Variants in COL24A1 observed in about 807,000 individuals in gnomAD.
The protein encoded by COL24A1 is collagen alpha-1(XXIV) chain.
Under a neutral mutation model 253.9 loss-of-function variants are expected in COL24A1, and 224 were observed. The ratio of observed to expected loss-of-function variants is 0.88; its 90% confidence interval spans 0.79 to 0.99. The LOEUF is 0.99. COL24A1 is among the 50% of genes least tolerant of loss of function. The pLI, the probability that COL24A1 is intolerant of heterozygous loss-of-function variation, is 0.00. For synonymous variants in COL24A1, 685 were observed against 673.7 expected (o/e 1.02, Z -0.26); for missense variants, 2,131 against 2,068.5 (o/e 1.03, Z -0.59).
intron 7 of COL24A1, among the ~76,000 whole-genome samples, chr1:86,077,852 G>A (rs1165297265): frequency 6.6e-6 from 1 of 152,090 alleles, no homozygotes; most frequent in African/African-American, 2.4e-5. Context: ...TGGGGGGCTG[G>A]GGAGGGCTAG....
chr1:85,778,031 A>ATCTATCTATCTG lies in COL24A1; in HGVS notation c.4339-2323_4339-2322insCAGATAGATAGA, dbSNP rs1203838352. On this transcript the variant is annotated intron_variant, in intron 52 of 59. Coordinates refer to ENST00000370571, the MANE Select transcript of COL24A1 (RefSeq NM_152890.7). ...TGTGTATATGTCTCTATCTCTATCT[A>ATCTATCTATCTG]TCTATCTATCTATCTATCTATCTAT... Among the ~76,000 whole-genome samples the ATCTATCTATCTG allele has an allele frequency of 3.4e-4, 50 of 145,234 alleles. No homozygotes were observed. In the East Asian group the frequency reaches 6.8e-3, roughly 20 times the overall value.
chr1:86,078,183 G>A (rs1238731008), intron 7 of COL24A1, among the ~76,000 whole-genome samples: 1 of 152,074 alleles, frequency 6.6e-6, no homozygotes, highest in African/African-American at 2.4e-5. Flanking sequence ...CATATCAACA[G>A]AATGAAGGTC....
chr1:86,115,756 CAGA>C (rs780236913), intron 3 of COL24A1, among the ~76,000 whole-genome samples: 21 of 152,148 alleles, frequency 1.4e-4, no homozygotes, highest in Non-Finnish European at 2.5e-4. Context: ...AAACACAATT[CAGA>C]AGAAGATTTG....
chr1:85,747,865 A>T (rs1347065113), intron 55 of COL24A1, among the ~76,000 whole-genome samples: 1 of 152,174 alleles, frequency 6.6e-6, no homozygotes, highest in Non-Finnish European at 1.5e-5. Flanking sequence ...ACTAAAATCC[A>T]TTGGTCTGTT....
chr1:86,034,775 A>G (rs1698869779), intron 12 of COL24A1, among the ~76,000 whole-genome samples: 1 of 152,152 alleles, frequency 6.6e-6, no homozygotes, highest in Non-Finnish European at 1.5e-5. Flanking sequence ...ATTGTAAAAT[A>G]ACTCAACGCT....
chr1:85,936,554 T>C (rs1477638244), intron 24 of COL24A1, among the ~76,000 whole-genome samples: 1 of 146,524 alleles, frequency 6.8e-6, no homozygotes, highest in Non-Finnish European at 1.5e-5. Context: ...TAACATAAAA[T>C]TAGATACGGA....
chr1:86,043,729 T>C lies in COL24A1; in HGVS notation c.1950+3096A>G, dbSNP rs148708785. ...TTTTAGTAGAGACAGGGTTTCACCA[T>C]GTTGGCCAAGATGGTCTCGATCTCT... is the stretch of plus-strand genomic sequence containing the variant. On this transcript the variant is annotated intron_variant, in intron 12 of 59. Coordinates refer to ENST00000370571, the MANE Select transcript of COL24A1 (RefSeq NM_152890.7). 2.5e-3 allele frequency among the ~76,000 whole-genome samples: 374 copies of C among 152,258 alleles called. 10 individuals are homozygous for C. The East Asian group carries it at 0.046, about 19-fold the overall frequency.
chr1:86,147,101 A>C (rs1299255597), intron 1 of COL24A1, among the ~76,000 whole-genome samples: 1 of 152,180 alleles, frequency 6.6e-6, no homozygotes, highest in South Asian at 2.1e-4. Context: ...CAGTTCCGCA[A>C]GGAGTGATTA....
chr1:85,992,524 A>G (rs1306050838), intron 19 of COL24A1, among the ~76,000 whole-genome samples: 1 of 152,120 alleles, frequency 6.6e-6, no homozygotes, highest in Admixed American at 6.6e-5. Flanking sequence ...CTTTTTTTTA[A>G]ACACACTCAA....
intron 47 of COL24A1, among the ~76,000 whole-genome samples, chr1:85,795,349 G>A (rs1670696389): frequency 6.6e-6 from 1 of 152,120 alleles, no homozygotes. Context: ...CAAAGAAAGT[G>A]TCACTCTGTT....
At chr1:85,803,381 G>A (rs1221847490) in intron 47 of COL24A1, among the ~76,000 whole-genome samples, 5 of 143,854 alleles carry the variant, frequency 3.5e-5, no homozygotes, top group Non-Finnish European at 6.0e-5. Context: ...AGTGAGCTGA[G>A]ATCATGACAC....
chr1:85,792,019 T>G (rs1670329205), intron 47 of COL24A1, among the ~76,000 whole-genome samples: 2 of 152,122 alleles, frequency 1.3e-5, no homozygotes, highest in South Asian at 2.1e-4. Flanking sequence ...CATTACAAAA[T>G]TTTTACTTAA....
chr1:86,115,279 G>T, intron 4 of COL24A1, 46 bp downstream of exon 4: 1 of 1,587,152 alleles, frequency 6.3e-7, no homozygotes, highest in Non-Finnish European at 8.6e-7. Context: ...ATGTTAGAAA[G>T]TTACAAATTC....
intron 1 of COL24A1, among the ~76,000 whole-genome samples, chr1:86,148,463 A>G (rs890511303): frequency 3.9e-5 from 6 of 152,070 alleles, no homozygotes; most frequent in Non-Finnish European, 8.8e-5. Context: ...CTCGTCATCT[A>G]GCATGAGGTA....
chr1:86,098,900 A>C (rs1018652759), intron 5 of COL24A1, among the ~76,000 whole-genome samples: 2 of 151,952 alleles, frequency 1.3e-5, no homozygotes, highest in East Asian at 1.9e-4. Flanking sequence ...CTAGACATAC[A>C]AAAAAAATGG....
chr1:85,962,680 G>A (rs985554864), intron 23 of COL24A1, among the ~76,000 whole-genome samples: 2 of 152,124 alleles, frequency 1.3e-5, no homozygotes, highest in Non-Finnish European at 2.9e-5. Context: ...ATAGATTAAC[G>A]AAAGGTAAAA....
chr1:85,737,809 C>G (rs1664213460), intron 57 of COL24A1, among the ~76,000 whole-genome samples: 1 of 151,338 alleles, frequency 6.6e-6, no homozygotes, highest in Non-Finnish European at 1.5e-5. Context: ...AGTGATCTGC[C>G]CACCTCCACC....
intron 51 of COL24A1, among the ~76,000 whole-genome samples, chr1:85,782,819 T>G (rs1384841298): frequency 6.6e-6 from 1 of 152,184 alleles, no homozygotes; most frequent in Non-Finnish European, 1.5e-5. Context: ...ACTTGAAGTT[T>G]TAAATTTTTT....
Position 85,816,819 on chromosome 1 carries a change from T to C in COL24A1, c.3920A>G (p.Lys1307Arg). ...GADGISGNPG[K>R]IGPPGKQGLP... ...TCCCTGTTTTCCTGGTGGCCCAATT[T>C]TTCCAGGGTTTCCTGAAATGCCATC... The change falls in exon 47 of 60, where the codon AAA becomes AGA. Residue 1307 changes from lysine (K) to arginine (R), a missense_variant. Coordinates refer to ENST00000370571, the MANE Select transcript of COL24A1 (RefSeq NM_152890.7). 1 of 1,613,986 alleles carries C rather than the reference T, an allele frequency of 6.2e-7. No individual in the cohort carries two copies. Among genetic ancestry groups the C allele is most frequent in the Non-Finnish European group, 8.5e-7 (1 of 1,179,868 alleles).
Sources: gnomAD v4.1 joint callset for allele counts (sites outside exome capture counted in the v4.1 genomes callset) on GRCh38, gnomAD v4.1.1 for gene constraint, MANE v1.5 for transcripts, NCBI Gene and HGNC (gene_info 2026-07-23, HGNC 2026-07-21) for gene names.